The following VARS1 variants were observed in gnomAD, a reference collection of about 807,000 sequenced individuals.
VARS1 encodes the protein valine--tRNA ligase.
VARS1 carries 92 observed loss-of-function variants against 161.0 expected under a neutral mutation model. That is an observed-to-expected ratio of 0.57 (90% confidence interval 0.48 to 0.68). VARS1 has a LOEUF of 0.68. Among genes scored for constraint, VARS1 ranks in the 30% least tolerant of loss-of-function variants. The pLI is 0.00. For missense variants in VARS1, 1,338 were observed against 1,695.9 expected, an observed-to-expected ratio of 0.79 and a Z score of 3.71; for synonymous variants, 595 against 682.5, an observed-to-expected ratio of 0.87 and a Z score of 2.00.
In VARS1 at chr6:31,782,244, A is replaced by C. The variant is rs1360146762; in HGVS notation, c.2150+41T>G. ...AGCCTGGCCCGAGTGAGCCCTGCTC[A>C]GCCCTCGGCAAGCCCCTCCCACACT... is the stretch of plus-strand genomic sequence containing the variant. On this transcript the variant is annotated intron_variant, in intron 17 of 29. Coordinates refer to ENST00000375663, the MANE Select transcript of VARS1 (RefSeq NM_006295.3). This position sits in a 1 kb window ranked among gnomAD's most constrained non-coding sequence, Gnocchi z 8.3. 1.2e-6 allele frequency: 2 copies of C among 1,610,214 alleles called. No individual in the cohort carries two copies. Among genetic ancestry groups the C allele is most frequent in the African/African-American group, 2.7e-5 (2 of 74,892 alleles).
In VARS1 at chr6:31,784,542, G is replaced by A; in HGVS notation, c.1468-40C>T. Reference sequence around the variant, plus strand: ...TTTAGAGGCGTGGCCCAGGGGCCAGGGCCAGGGCCAGGGTAGATTGGAGAT... The same window carrying A: ...TTTAGAGGCGTGGCCCAGGGGCCAGAGCCAGGGCCAGGGTAGATTGGAGAT... On this transcript the variant is annotated intron_variant, in intron 11 of 29. Coordinates refer to ENST00000375663, the MANE Select transcript of VARS1 (RefSeq NM_006295.3). This position sits in a 1 kb window ranked among gnomAD's most constrained non-coding sequence, Gnocchi z 6.1. 1 of 1,613,582 alleles carries A rather than the reference G, an allele frequency of 6.2e-7. No homozygotes were observed. Among genetic ancestry groups the A allele is most frequent in the South Asian group, 1.1e-5 (1 of 91,084 alleles).
Position 31,780,988 on chromosome 6 carries a change from C to A in VARS1, c.2649+31G>T. Reference sequence around the variant, plus strand: ...GGTGGCTGTGACCACAGCCCCACGGCCCTTCCTGGCTGGCCCAGCACCCAG... The same window carrying A: ...GGTGGCTGTGACCACAGCCCCACGGACCTTCCTGGCTGGCCCAGCACCCAG... On this transcript the variant is annotated intron_variant, in intron 22 of 29. Transcript: ENST00000375663. This position sits in a 1 kb window ranked among gnomAD's most constrained non-coding sequence, Gnocchi z 5.1. 1.2e-6 allele frequency: 2 copies of A among 1,614,086 alleles called. No homozygotes were observed. Among genetic ancestry groups the A allele is most frequent in the South Asian group, 2.2e-5 (2 of 91,090 alleles).
chr6:31,792,329 C>A (rs776589792), intron 5 of VARS1, 28 bp from the exon 6 acceptor site: 16 of 1,613,806 alleles, frequency 9.9e-6, no homozygotes, highest in Non-Finnish European at 1.4e-5. Flanking sequence ...GACATAGGCC[C>A]AGGCATCAGC....
rs530019241 is a variant in VARS1, at chr6:31,779,181, G to T, written c.3512C>A (p.Pro1171His). 2.5e-6 allele frequency: 4 copies of T among 1,604,512 alleles called. No homozygotes were observed. The South Asian group carries it at 3.3e-5, about 13-fold the overall frequency. The change falls in exon 29 of 30, where the codon CCC (proline) becomes CAC (histidine). Residue 1171 changes from proline (P) to histidine (H), a missense_variant. Physicochemically the swap from Pro to His is moderately conservative, Grantham distance 77. Around this residue, in one of 3 missense-constraint regions of VARS1, gnomAD observed 433 missense variants for 586.2 expected, o/e 0.74. Transcript: ENST00000375663. This position sits in a 1 kb window ranked among gnomAD's most constrained non-coding sequence, Gnocchi z 9.1. Reference sequence around the variant, plus strand: ...AGCCACAGCGCAACCCTGGGGGGCGGGAGCCCCCAGGGCCAGAACAGCCAC... The same window carrying T: ...AGCCACAGCGCAACCCTGGGGGGCGTGAGCCCCCAGGGCCAGAACAGCCAC... ...GVVAVLALGA[P>H]APQGCAVALA...
At position 31,795,140 on chromosome 6, in the gene VARS1, C is replaced by T. The variant is rs755570137; in HGVS notation, c.78G>A (p.Glu26=). ...LRALIAARYG[E]AGEGPGWGGA... The stretch of plus-strand genomic sequence containing the variant: ...CTCCCCATCCGGGACCCTCCCCAGC[C>T]TCCCCATAGCGAGCGGCTATGAGGG... The change falls in exon 2 of 30, where the codon GAG becomes GAA. Residue 26 remains glutamate, a synonymous_variant. Transcript: ENST00000375663. This position sits in a 1 kb window ranked among gnomAD's most constrained non-coding sequence, Gnocchi z 6.9. The T allele has an allele frequency of 6.7e-7, 1 of 1,486,178 alleles. No homozygotes were observed. Among genetic ancestry groups the T allele is most frequent in the Non-Finnish European group, 8.9e-7 (1 of 1,118,402 alleles). The allele number at this position is 1,486,178 out of a possible 1,614,324, so 92.1% of individuals were successfully genotyped here.
intron 8 of VARS1, among the ~76,000 whole-genome samples, chr6:31,790,704 G>C (rs1581657015): frequency 6.6e-6 from 1 of 151,564 alleles, no homozygotes; most frequent in African/African-American, 2.4e-5. Context: ...GTCAGTATGT[G>C]TGGTATGTGT....
Position 31,795,143 on chromosome 6 carries a change from C to G in VARS1, c.75G>C (p.Gly25=). 1 of 1,485,514 alleles carries G rather than the reference C, an allele frequency of 6.7e-7. No individual in the cohort carries two copies. The highest frequency in any genetic ancestry group is 1.4e-5 in the South Asian group (1 of 72,142). The allele number at this position is 1,485,514 out of a possible 1,614,324, so 92.0% of individuals were successfully genotyped here. Residue 25 remains glycine, a synonymous_variant, in exon 2 of 30, where the codon GGG becomes GGC. Transcript: ENST00000375663. The surrounding 1 kb of genome is among the most constrained non-coding windows in gnomAD (Gnocchi z 6.9). Reference sequence around the variant, plus strand: ...CCCATCCGGGACCCTCCCCAGCCTCCCCATAGCGAGCGGCTATGAGGGCTC... The same window carrying G: ...CCCATCCGGGACCCTCCCCAGCCTCGCCATAGCGAGCGGCTATGAGGGCTC... The part of the protein sequence containing the change: ...SLRALIAARY[G]EAGEGPGWGG...
At chr6:31,789,333 T>C (rs757489622) in intron 8 of VARS1, among the ~76,000 whole-genome samples, 2 of 151,932 alleles carry the variant, frequency 1.3e-5, no homozygotes, top group Non-Finnish European at 2.9e-5. Context: ...CACATATGGG[T>C]AAACCTGACT....
Position 31,777,561 on chromosome 6 carries a change from C to CG in VARS1, c.*32dup. Reference sequence around the variant, plus strand: ...TATTGCTGCCATCCCCATGGTGAGCCGCTGGGGGTGAGGGGTGAAGCTGGG... The same window carrying CG: ...TATTGCTGCCATCCCCATGGTGAGCCGGCTGGGGGTGAGGGGTGAAGCTGGG... On this transcript the variant is annotated 3_prime_UTR_variant, in exon 30 of 30. Transcript: ENST00000375663. The surrounding 1 kb of genome is among the most constrained non-coding windows in gnomAD (Gnocchi z 5.8). The CG allele has an allele frequency of 6.2e-7, 1 of 1,613,638 alleles. No homozygotes were observed. The highest frequency in any genetic ancestry group is 1.7e-5 in the Admixed American group (1 of 59,990).
In VARS1 at chr6:31,791,081, G is replaced by A. The variant is rs1212516928; in HGVS notation, c.1100+529C>T. ...CAGGAGAATCACTTGAACCCAGGAG[G>A]CAGCGGTTGCCATGAGCCGAGATGG... is the stretch of plus-strand genomic sequence containing the variant. On this transcript the variant is annotated intron_variant, in intron 8 of 29. Transcript: ENST00000375663. This position sits in a 1 kb window ranked among gnomAD's most constrained non-coding sequence, Gnocchi z 5.0. Among the ~76,000 whole-genome samples, 1 of 151,938 alleles carries A rather than the reference G, an allele frequency of 6.6e-6. No individual in the cohort carries two copies. The highest frequency in any genetic ancestry group is 1.5e-5 in the Non-Finnish European group (1 of 68,006).
chr6:31,780,850 C>A lies in VARS1; in HGVS notation c.2718+20G>T, dbSNP rs375382310. On this transcript the variant is annotated intron_variant, in intron 23 of 29. Transcript: ENST00000375663. The surrounding 1 kb of genome is among the most constrained non-coding windows in gnomAD (Gnocchi z 5.1). Reference sequence around the variant, plus strand: ...CCATCCACGCTGTGCTCCTGCTTAGCCCAGCCCAACCCTCCATACCTGCCC... The same window carrying A: ...CCATCCACGCTGTGCTCCTGCTTAGACCAGCCCAACCCTCCATACCTGCCC... 24 of 1,614,082 alleles carry A rather than the reference C, an allele frequency of 1.5e-5. No individual in the cohort carries two copies. The Admixed American group carries it at 1.5e-4, about 10-fold the overall frequency.
rs754897269 is a variant in VARS1, at chr6:31,795,016, A to G, written c.202T>C (p.Trp68Arg). ...PALEQGPGGL[W>R]VWGATAVAQL... Reference sequence around the variant, plus strand: ...GCCACAGCCGTGGCCCCCCACACCCAGAGCCCACCGGGCCCCTGCTCCAGG... The same window carrying G: ...GCCACAGCCGTGGCCCCCCACACCCGGAGCCCACCGGGCCCCTGCTCCAGG... The change falls in exon 2 of 30, where the codon TGG becomes CGG. Residue 68 changes from tryptophan (W) to arginine (R), a missense_variant. By Grantham distance (101) the Trp-to-Arg change is moderately radical. This residue lies in a region of VARS1 where 902 missense variants were observed against 1,090.3 expected (regional missense o/e 0.83). Transcript: ENST00000375663. This position sits in a 1 kb window ranked among gnomAD's most constrained non-coding sequence, Gnocchi z 6.9. 2.5e-6 allele frequency: 4 copies of G among 1,590,052 alleles called. No homozygotes were observed. In the Admixed American group the frequency reaches 5.3e-5, roughly 21 times the overall value.
chr6:31,785,685 A>G lies in VARS1; in HGVS notation c.1149T>C (p.His383=), dbSNP rs1562303977. Reference sequence around the variant, plus strand: ...CCACCACCTGGGTGGCAATACCTGCATGGTCACAGCCAGGGTTCCACAGGG... The same window carrying G: ...CCACCACCTGGGTGGCAATACCTGCGTGGTCACAGCCAGGGTTCCACAGGG... ...ETTLWNPGCD[H]AGIATQVVVE... Residue 383 remains histidine (H), a synonymous_variant, in exon 9 of 30, where the codon CAT becomes CAC. Transcript: ENST00000375663. The surrounding 1 kb of genome is among the most constrained non-coding windows in gnomAD (Gnocchi z 6.1). 5 of 1,612,942 alleles carry G rather than the reference A, an allele frequency of 3.1e-6. No homozygotes were observed. Among genetic ancestry groups the G allele is most frequent in the Non-Finnish European group, 4.2e-6 (5 of 1,180,022 alleles).
Position 31,777,771 on chromosome 6 carries a change from A to G in VARS1, c.3727-109T>C. 1.5e-6 allele frequency: 2 copies of G among 1,320,750 alleles called. No individual in the cohort carries two copies. Among genetic ancestry groups the G allele is most frequent in the Non-Finnish European group, 2.1e-6 (2 of 943,922 alleles). 81.8% of individuals were successfully genotyped at this position (1,320,750 alleles called of 1,614,324 possible). A position where few individuals can be genotyped will look rare whatever the true frequency, so the allele number is the denominator to read the frequency against. On this transcript the variant is annotated intron_variant, in intron 29 of 29. Transcript: ENST00000375663. This position sits in a 1 kb window ranked among gnomAD's most constrained non-coding sequence, Gnocchi z 5.8. ...TGAGCGAGGACCATGGGAGGTCAGT[A>G]GCTCAGAGGAGGCGTGAACCTGGCT... is the stretch of plus-strand genomic sequence containing the variant.
chr6:31,794,619 A>C (rs1342282820), intron 2 of VARS1, among the ~76,000 whole-genome samples: 1 of 152,218 alleles, frequency 6.6e-6, no homozygotes, highest in East Asian at 1.9e-4. Context: ...CAAGCATTAC[A>C]TCAACTTGCC....
Position 31,780,616 on chromosome 6 carries a change from A to T in VARS1, c.2798-48T>A. 1 of 1,611,178 alleles carries T rather than the reference A, an allele frequency of 6.2e-7. No individual in the cohort carries two copies. Among genetic ancestry groups the T allele is most frequent in the Non-Finnish European group, 8.5e-7 (1 of 1,177,808 alleles). The stretch of plus-strand genomic sequence containing the variant: ...GTCCTCATCACCCTCTTCCCAGCCC[A>T]TGCCCACCAGAGGCTCAGGGTGGAG... On this transcript the variant is annotated intron_variant, in intron 24 of 29. Transcript: ENST00000375663. The surrounding 1 kb of genome is among the most constrained non-coding windows in gnomAD (Gnocchi z 5.1).
chr6:31,794,093 C>CAAAAAAA (rs33960246), intron 2 of VARS1, among the ~76,000 whole-genome samples: 8 of 71,150 alleles, frequency 1.1e-4, no homozygotes, highest in African/African-American at 1.9e-4. Flanking sequence ...GATTCTGTCT[C>CAAAAAAA]AAAAAAAAAA....
chr6:31,793,015 C>G lies in VARS1; in HGVS notation c.493G>C (p.Val165Leu), dbSNP rs1169347135. The G allele has an allele frequency of 6.2e-7, 1 of 1,613,178 alleles. No homozygotes were observed. Among genetic ancestry groups the G allele is most frequent in the Non-Finnish European group, 8.5e-7 (1 of 1,180,050 alleles). ...CGGAAAGGCAGCAGCAAGGCTGTGACAGCCGCCAGGTCAGCCAGAGTGGGG... is the reference window on the plus strand; with the variant it reads ...CGGAAAGGCAGCAGCAAGGCTGTGAGAGCCGCCAGGTCAGCCAGAGTGGGG... Reference protein sequence around the residue: ...EAPTLADLAAVTALLLPFRYV... With the variant: ...EAPTLADLAALTALLLPFRYV... The change falls in exon 3 of 30, where the codon GTC (valine) becomes CTC (leucine). Residue 165 changes from valine (V) to leucine (L), a missense_variant. Val to Leu is a conservative substitution (Grantham distance 32, BLOSUM62 1). Transcript: ENST00000375663.
chr6:31,795,305 T>G lies in VARS1; in HGVS notation c.-33-55A>C. 2 of 1,251,264 alleles carry G rather than the reference T, an allele frequency of 1.6e-6. No homozygotes were observed. The highest frequency in any genetic ancestry group is 2.0e-6 in the Non-Finnish European group (2 of 976,998). 77.5% of individuals were successfully genotyped at this position (1,251,264 alleles called of 1,614,324 possible). ...GCGGGATCGAGGTGGGTCCTATGTT[T>G]GAGTAGAGAGGGGACCCTCACGGGA... On this transcript the variant is annotated intron_variant, in intron 1 of 29. Coordinates refer to ENST00000375663, the MANE Select transcript of VARS1 (RefSeq NM_006295.3). The surrounding 1 kb of genome is among the most constrained non-coding windows in gnomAD (Gnocchi z 6.9).
Sources: gnomAD v4.1 joint callset for allele counts (sites outside exome capture counted in the v4.1 genomes callset) on GRCh38, gnomAD v4.1.1 for gene constraint, gnomAD v4.1.1 regional missense constraint, Gnocchi (gnomAD v3.1) non-coding constraint, MANE v1.5 for transcripts, NCBI Gene and HGNC (gene_info 2026-07-23, HGNC 2026-07-21) for gene names.